The following IL1RAPL2 variants were observed in gnomAD, a reference collection of about 807,000 sequenced individuals.
IL1RAPL2 encodes the protein X-linked interleukin-1 receptor accessory protein-like 2.
In IL1RAPL2, 3 loss-of-function variants were observed where a neutral mutation model predicts 44.1. That is an observed-to-expected ratio of 0.07 (90% confidence interval 0.03 to 0.18). The LOEUF (loss-of-function observed/expected upper bound fraction) is 0.18. IL1RAPL2 is among the 10% of genes least tolerant of loss of function. The pLI is 1.00. For synonymous variants in IL1RAPL2, 181 were observed against 178.8 expected, an observed-to-expected ratio of 1.01 and a Z score of -0.10; for missense variants, 391 against 496.4, an observed-to-expected ratio of 0.79 and a Z score of 2.02.
chrX:104,906,517 G>T (rs781554147), intron 2 of IL1RAPL2, among the ~76,000 whole-genome samples: 3 of 111,516 alleles, frequency 2.7e-5, no homozygotes, highest in African/African-American at 9.8e-5. Context: ...TAGCATGAAG[G>T]GTTGTTGAAT....
intron 10 of IL1RAPL2, among the ~76,000 whole-genome samples, chrX:105,761,961 A>G (rs1015129734): frequency 1.8e-5 from 2 of 112,084 alleles, no homozygotes; most frequent in African/African-American, 6.5e-5. Context: ...GTAAGACCAC[A>G]TAGAAATTCA....
intron 1 of IL1RAPL2, among the ~76,000 whole-genome samples, chrX:104,646,397 T>C: frequency 9.0e-6 from 1 of 110,517 alleles, no homozygotes; most frequent in Non-Finnish European, 1.9e-5. Flanking sequence ...ATATTGAATC[T>C]AGATCATGGT....
intron 2 of IL1RAPL2, among the ~76,000 whole-genome samples, chrX:104,694,682 G>A (rs1253651241): frequency 9.0e-6 from 1 of 111,594 alleles, no homozygotes; most frequent in Non-Finnish European, 1.9e-5. Flanking sequence ...GAGGATACAC[G>A]CAAGATAGGT....
intron 6 of IL1RAPL2, among the ~76,000 whole-genome samples, chrX:105,524,152 T>C (rs780971868): frequency 9.0e-6 from 1 of 111,516 alleles, no homozygotes; most frequent in South Asian, 3.7e-4. Flanking sequence ...AAAGGAGATA[T>C]AGGTAGGCAG....
intron 3 of IL1RAPL2, among the ~76,000 whole-genome samples, chrX:105,208,138 C>T (rs1418088053): frequency 2.7e-5 from 3 of 110,809 alleles, no homozygotes; most frequent in East Asian, 5.7e-4. Context: ...CTGGATTTAT[C>T]GAGGCGTTTT....
chrX:105,526,075 A>G (rs1182895134), intron 6 of IL1RAPL2, among the ~76,000 whole-genome samples: 4 of 112,065 alleles, frequency 3.6e-5, no homozygotes, highest in African/African-American at 1.3e-4. Context: ...AATAGTAATT[A>G]AAATAACTAC....
chrX:105,262,974 C>A (rs1355396952), intron 4 of IL1RAPL2, among the ~76,000 whole-genome samples: 1 of 110,283 alleles, frequency 9.1e-6, no homozygotes, highest in African/African-American at 3.3e-5. Flanking sequence ...CAACCTCTGC[C>A]TCCTGGGTTC....
intron 2 of IL1RAPL2, among the ~76,000 whole-genome samples, chrX:104,673,469 G>C (rs1470982357): frequency 9.0e-6 from 1 of 111,061 alleles, no homozygotes; most frequent in African/African-American, 3.3e-5. Flanking sequence ...CTCTGTTTTG[G>C]TACAAGTACC....
At chrX:104,596,602 C>T (rs1280307674) in intron 1 of IL1RAPL2, among the ~76,000 whole-genome samples, 2 of 110,814 alleles carry the variant, frequency 1.8e-5, no homozygotes, top group Non-Finnish European at 3.8e-5. Context: ...AAAAATTGTC[C>T]CTGCATTGTT....
intron 2 of IL1RAPL2, among the ~76,000 whole-genome samples, chrX:105,020,450 G>A (rs57700274): frequency 0.068 from 7,596 of 111,831 alleles, 685 homozygotes; most frequent in African/African-American, 0.23. Context: ...TCTGGACAGG[G>A]TGGACCAGGG....
At chrX:105,171,883 C>G (rs2033426713) in intron 2 of IL1RAPL2, among the ~76,000 whole-genome samples, 1 of 112,195 alleles carries the variant, frequency 8.9e-6, no homozygotes, top group Non-Finnish European at 1.9e-5. Context: ...CCCTCCATGT[C>G]CACCTCTACC....
intron 2 of IL1RAPL2, among the ~76,000 whole-genome samples, chrX:105,102,121 A>C (rs1318422092): frequency 8.9e-6 from 1 of 111,893 alleles, no homozygotes; most frequent in Non-Finnish European, 1.9e-5. Context: ...TCATGCAGAA[A>C]GTGGTAAATT....
chrX:105,001,715 G>A (rs180964416), intron 2 of IL1RAPL2, among the ~76,000 whole-genome samples: 33 of 111,202 alleles, frequency 3.0e-4, no homozygotes, highest in African/African-American at 8.5e-4. Context: ...TAAACTTCAT[G>A]GGTAAATTGG....
chrX:105,685,003 C>T (rs1017761916), intron 6 of IL1RAPL2, among the ~76,000 whole-genome samples: 1 of 111,422 alleles, frequency 9.0e-6, no homozygotes, highest in Non-Finnish European at 1.9e-5. Context: ...AAAGGAATAG[C>T]GTCAACATCA....
chrX:104,718,314 G>A (rs1931616191), intron 2 of IL1RAPL2, among the ~76,000 whole-genome samples: 1 of 111,377 alleles, frequency 9.0e-6, no homozygotes. Flanking sequence ...GTGTGAGATA[G>A]TATCTCATTG....
intron 6 of IL1RAPL2, among the ~76,000 whole-genome samples, chrX:105,500,177 G>A (rs1175631790): frequency 9.0e-6 from 1 of 111,167 alleles, no homozygotes; most frequent in Non-Finnish European, 1.9e-5. Context: ...GGCACTGGTA[G>A]AAGTAGAAAT....
At chrX:104,710,784 C>T (rs1229360639) in intron 2 of IL1RAPL2, among the ~76,000 whole-genome samples, 1 of 111,241 alleles carries the variant, frequency 9.0e-6, no homozygotes, top group Non-Finnish European at 1.9e-5. Flanking sequence ...TAGCACAATG[C>T]ATTCCTCACC....
intron 2 of IL1RAPL2, among the ~76,000 whole-genome samples, chrX:105,049,058 T>A (rs2031881223): frequency 9.0e-6 from 1 of 111,422 alleles, no homozygotes; most frequent in South Asian, 3.7e-4. Context: ...TTCCCACCTA[T>A]CCCCTCAATA....
rs962843495 is a variant in IL1RAPL2, at chrX:104,660,329, T to A, written c.82+1334T>A. 3.6e-5 allele frequency among the ~76,000 whole-genome samples: 4 copies of A among 109,936 alleles called. No homozygotes were observed. In the Admixed American group the frequency reaches 3.9e-4, roughly 11 times the overall value. On this transcript the variant is annotated intron_variant, in intron 2 of 10. Coordinates refer to ENST00000372582, the MANE Select transcript of IL1RAPL2 (RefSeq NM_017416.2). ...ATTGCTTAACAGCAAACATAACCTGTTGAACCAGATTGCATTTTCCTTACT... is the reference window on the plus strand; with the variant it reads ...ATTGCTTAACAGCAAACATAACCTGATGAACCAGATTGCATTTTCCTTACT...
Sources: allele counts gnomAD v4.1 joint callset (sites outside exome capture counted in the v4.1 genomes callset), GRCh38; gene constraint gnomAD v4.1.1; transcripts MANE v1.5; gene names NCBI Gene and HGNC (gene_info 2026-07-23, HGNC 2026-07-21).